The following NCAM2 variants were observed in gnomAD, a reference collection of about 807,000 sequenced individuals.
NCAM2 encodes neural cell adhesion molecule 2.
In NCAM2, 30 loss-of-function variants were observed where a neutral mutation model predicts 98.1. The ratio of observed to expected loss-of-function variants is 0.31; its 90% CI spans 0.23 to 0.41. NCAM2 has a LOEUF of 0.41. NCAM2 is among the 10% of genes least tolerant of loss of function. NCAM2 has a pLI of 1.00. For synonymous variants in NCAM2, 368 were observed against 342.4 expected (o/e 1.07, Z -0.83); for missense variants, 867 against 1,005.8 (o/e 0.86, Z 1.87).
intron 1 of NCAM2, among the ~76,000 whole-genome samples, chr21:21,164,634 T>C (rs1009282308): frequency 1.3e-5 from 2 of 152,218 alleles, no homozygotes; most frequent in African/African-American, 4.8e-5. Context: ...AATTACAAAT[T>C]AACTTTTCTT....
intron 1 of NCAM2, among the ~76,000 whole-genome samples, chr21:21,160,401 A>G (rs2146774297): frequency 6.6e-6 from 1 of 152,078 alleles, no homozygotes; most frequent in South Asian, 2.1e-4. Context: ...TACCAATTAG[A>G]TTTCTAGTGA....
chr21:21,469,325 A>T (rs973045), intron 14 of NCAM2, among the ~76,000 whole-genome samples: 2,412 of 151,750 alleles, frequency 0.016, 71 homozygotes, highest in African/African-American at 0.056. Context: ...TTTTTGATAG[A>T]GGTTAGAGGT....
chr21:21,510,605 G>A (rs115462216), intron 16 of NCAM2, among the ~76,000 whole-genome samples: 17,568 of 149,728 alleles, frequency 0.12, 1,373 homozygotes, highest in South Asian at 0.25. Flanking sequence ...GACACATTTT[G>A]TCTTGGCTTT....
At chr21:21,188,551 T>C (rs1312286423) in intron 1 of NCAM2, among the ~76,000 whole-genome samples, 1 of 152,176 alleles carries the variant, frequency 6.6e-6, no homozygotes, top group Non-Finnish European at 1.5e-5. Context: ...TTAAACATAA[T>C]GCAGGATATA....
intron 1 of NCAM2, among the ~76,000 whole-genome samples, chr21:21,068,029 C>A (rs1446037684): frequency 6.6e-6 from 1 of 151,682 alleles, no homozygotes; most frequent in Non-Finnish European, 1.5e-5. Flanking sequence ...GATTGAGGAA[C>A]TTGGTTTTCA....
At chr21:21,221,951 G>C (rs1390796274) in intron 1 of NCAM2, among the ~76,000 whole-genome samples, 2 of 152,114 alleles carry the variant, frequency 1.3e-5, no homozygotes, top group Non-Finnish European at 2.9e-5. Context: ...TGTGGGGCAG[G>C]GGGTGGCTAA....
chr21:21,127,482 A>T (rs2066850861), intron 1 of NCAM2, among the ~76,000 whole-genome samples: 1 of 152,042 alleles, frequency 6.6e-6, no homozygotes, highest in Non-Finnish European at 1.5e-5. Context: ...CTTCTCTTCT[A>T]GCTGTTTTGA....
At chr21:21,323,208 G>A (rs2074422731) in intron 5 of NCAM2, among the ~76,000 whole-genome samples, 1 of 152,102 alleles carries the variant, frequency 6.6e-6, no homozygotes, top group Non-Finnish European at 1.5e-5. Flanking sequence ...AAATGACAAT[G>A]TACTTAAAAT....
chr21:21,152,020 A>G (rs1406368699), intron 1 of NCAM2, among the ~76,000 whole-genome samples: 1 of 151,794 alleles, frequency 6.6e-6, no homozygotes, highest in Non-Finnish European at 1.5e-5. Flanking sequence ...AAATGTGGAA[A>G]TTTTCCACTA....
intron 1 of NCAM2, among the ~76,000 whole-genome samples, chr21:21,140,946 C>T (rs891475590): frequency 7.9e-5 from 12 of 151,950 alleles, no homozygotes; most frequent in Non-Finnish European, 1.6e-4. Context: ...CTTAAATTAA[C>T]CCTGATTTAA....
chr21:21,072,754 T>C (rs1480614042), intron 1 of NCAM2, among the ~76,000 whole-genome samples: 1 of 152,116 alleles, frequency 6.6e-6, no homozygotes, highest in African/African-American at 2.4e-5. Flanking sequence ...TGACTTCTAT[T>C]TAATTTTAAT....
chr21:21,211,023 C>CACACACACAG (rs1457220972), intron 1 of NCAM2, among the ~76,000 whole-genome samples: 1 of 133,878 alleles, frequency 7.5e-6, no homozygotes, highest in East Asian at 2.1e-4. Context: ...CACACACACA[C>CACACACACAG]GGGTTAGTAT....
chr21:21,209,279 G>A (rs1202146775), intron 1 of NCAM2, among the ~76,000 whole-genome samples: 1 of 152,118 alleles, frequency 6.6e-6, no homozygotes, highest in Admixed American at 6.6e-5. Flanking sequence ...GCAGTGGCAC[G>A]ATCACAGCTC....
rs1569051413 is a variant in NCAM2 at position 21,126,683 on chromosome 21, G to T, written c.55+128065G>T. On this transcript the variant is annotated intron_variant, in intron 1 of 17. Transcript: ENST00000400546. ...ATTTCAACAGAAGCTTCTGTGAAAA[G>T]AGGAGCTAATCTTATGTTTTGTGAA... 2.0e-5 allele frequency among the ~76,000 whole-genome samples: 3 copies of T among 152,112 alleles called. No homozygotes were observed. In the South Asian group the frequency reaches 6.2e-4, roughly 31 times the overall value.
rs550230858 is a variant in NCAM2 at position 21,359,096 on chromosome 21, CTG to C, written c.1045-14757_1045-14756del. Among the ~76,000 whole-genome samples the C allele has an allele frequency of 1.9e-4, 29 of 152,032 alleles. No individual in the cohort carries two copies. The East Asian group carries it at 5.6e-3, about 29-fold the overall frequency. ...TTCCTGGCACCTGTAGATTTTCACG[CTG>C]TGTGTGTGTTTTTCTTTTTTCTTTT... On this transcript the variant is annotated intron_variant, in intron 8 of 17. Coordinates refer to ENST00000400546, the MANE Select transcript of NCAM2 (RefSeq NM_004540.5).
At chr21:21,168,879 T>C (rs1342197137) in intron 1 of NCAM2, among the ~76,000 whole-genome samples, 1 of 152,144 alleles carries the variant, frequency 6.6e-6, no homozygotes, top group Non-Finnish European at 1.5e-5. Flanking sequence ...ACTTTATCTA[T>C]AGATTCAACA....
At chr21:21,228,996 A>G (rs1238072627) in intron 1 of NCAM2, among the ~76,000 whole-genome samples, 1 of 151,470 alleles carries the variant, frequency 6.6e-6, no homozygotes, top group Non-Finnish European at 1.5e-5. Flanking sequence ...TAAACATATG[A>G]TTTAAGTTAC....
intron 1 of NCAM2, among the ~76,000 whole-genome samples, chr21:21,034,057 G>A (rs917306861): frequency 2.0e-5 from 3 of 150,884 alleles, no homozygotes; most frequent in Non-Finnish European, 4.4e-5. Context: ...GGCAAAGGGG[G>A]GGGGGAAACA....
intron 9 of NCAM2, among the ~76,000 whole-genome samples, chr21:21,382,239 T>C (rs1362706231): frequency 1.3e-5 from 2 of 152,196 alleles, no homozygotes; most frequent in African/African-American, 2.4e-5. Context: ...TTTGTCAATA[T>C]GCTTGAGCCA....
Sources: allele counts gnomAD v4.1 joint callset (sites outside exome capture counted in the v4.1 genomes callset), GRCh38; gene constraint gnomAD v4.1.1; transcripts MANE v1.5; gene names NCBI Gene and HGNC (gene_info 2026-07-23, HGNC 2026-07-21).